JCAD: variants seen among roughly 807,000 people sequenced by gnomAD.
JCAD encodes junctional cadherin 5-associated protein.
A neutral mutation model predicts 98.0 loss-of-function variants in JCAD; 40 were observed. The observed-to-expected ratio is 0.41, with a 90% CI of 0.32 to 0.53. The LOEUF is 0.53. Among genes scored for constraint, JCAD ranks in the 20% least tolerant of loss-of-function variants. The pLI, the probability that JCAD is intolerant of heterozygous loss-of-function variation, is 0.31. For synonymous variants in JCAD, 691 were observed against 682.3 expected (o/e 1.01, Z -0.20); for missense variants, 1,705 against 1,738.1 (o/e 0.98, Z 0.34).
At chr10:30,019,577 C>T (rs1836614640) in intron 3 of JCAD, among the ~76,000 whole-genome samples, 1 of 146,932 alleles carries the variant, frequency 6.8e-6, no homozygotes, top group South Asian at 2.1e-4. Context: ...GTTGAAATCA[C>T]AGTAACAGAG....
intron 2 of JCAD, among the ~76,000 whole-genome samples, chr10:30,031,829 A>C (rs1468382058): frequency 3.9e-5 from 5 of 129,536 alleles, no homozygotes; most frequent in African/African-American, 1.5e-4. Flanking sequence ...ATCTCGGCTC[A>C]CTGCAAGCTC....
chr10:30,036,678 T>A (rs1282325881), intron 2 of JCAD, among the ~76,000 whole-genome samples: 1 of 151,928 alleles, frequency 6.6e-6, no homozygotes, highest in African/African-American at 2.4e-5. Flanking sequence ...GAACTGGGGG[T>A]TCTGTGGGAA....
At chr10:30,050,314 C>CAAAAAAAAAAAA (rs61421356) in intron 1 of JCAD, among the ~76,000 whole-genome samples, 12 of 41,752 alleles carry the variant, frequency 2.9e-4, no homozygotes, top group African/African-American at 5.7e-4. Flanking sequence ...GACCCTGTCT[C>CAAAAAAAAAAAA]AAAAAAAAAA....
At position 30,092,334 on chromosome 10, in the gene JCAD, A is replaced by G. The variant is rs1336236168; in HGVS notation, n.129-22513T>C. Among the ~76,000 whole-genome samples, 6 of 151,362 alleles carry G rather than the reference A, an allele frequency of 4.0e-5. No homozygotes were observed. The Admixed American group carries it at 4.0e-4, about 10-fold the overall frequency. On this transcript the variant is annotated intron_variant and non_coding_transcript_variant, in intron 1 of 2. Transcript: ENST00000465712. ...TGATAAGTGGCAGGAAGGACTGAGG[A>G]CAAATATTCTCATGTTGGTGTGTAA...
At chr10:30,058,919 G>A (rs948409116) in intron 1 of JCAD, among the ~76,000 whole-genome samples, 6 of 152,186 alleles carry the variant, frequency 3.9e-5, no homozygotes, top group African/African-American at 9.6e-5. Context: ...ACCGGAGCGG[G>A]AGCGGGGCCG....
Position 30,029,410 on chromosome 10 carries a change from A to G in JCAD, c.738T>C (p.Ile246=). Residue 246 remains isoleucine, a synonymous_variant, in exon 3 of 4, where the codon ATT becomes ATC. Transcript: ENST00000375377. ...AATGTCTTTCATTTAATGGAATGGG[A>G]ATTTCCGTGCAACTCAGGCTCTCGG... ...LSPESLSCTE[I]PIPLNERHSP... 4 of 1,613,666 alleles carry G rather than the reference A, an allele frequency of 2.5e-6. No individual in the cohort carries two copies. The highest frequency in any genetic ancestry group is 2.5e-6 in the Non-Finnish European group (3 of 1,179,948).
At chr10:30,036,322 G>A (rs904255883) in intron 2 of JCAD, among the ~76,000 whole-genome samples, 7 of 152,128 alleles carry the variant, frequency 4.6e-5, no homozygotes. Context: ...GGTAGTGGGT[G>A]CCTGTAATCC....
intron 2 of JCAD, among the ~76,000 whole-genome samples, chr10:30,043,084 C>G (rs1837274349): frequency 6.6e-6 from 1 of 152,210 alleles, no homozygotes; most frequent in African/African-American, 2.4e-5. Context: ...CTACTTGCAC[C>G]TAAGAGATTT....
chr10:30,104,170 G>C (rs142046902), intron 1 of JCAD, among the ~76,000 whole-genome samples: 1 of 152,194 alleles, frequency 6.6e-6, no homozygotes, highest in Non-Finnish European at 1.5e-5. Flanking sequence ...GTCGTGGAGC[G>C]TAAGTCCTGA....
intron 1 of JCAD, among the ~76,000 whole-genome samples, chr10:30,075,932 G>A (rs1011681943): frequency 1.3e-5 from 2 of 151,898 alleles, no homozygotes; most frequent in Non-Finnish European, 2.9e-5. Context: ...CATTTGTTCT[G>A]AATCATCTAC....
chr10:30,078,422 T>C (rs1049438631), intron 1 of JCAD, among the ~76,000 whole-genome samples: 1 of 151,786 alleles, frequency 6.6e-6, no homozygotes, highest in Admixed American at 6.6e-5. Flanking sequence ...CTTCCTTTCT[T>C]TTTTTTTAAT....
intron 1 of JCAD, among the ~76,000 whole-genome samples, chr10:30,101,932 C>A (rs959418422): frequency 1.3e-5 from 2 of 152,132 alleles, no homozygotes; most frequent in African/African-American, 4.8e-5. Flanking sequence ...AAAGCTTCAA[C>A]CTTCTGACCT....
rs1836476245 is a variant in JCAD, at chr10:30,013,787, A to G, written c.*4096T>C. ...TTTAAGTTTCAGTCACTAAACAGAG[A>G]CCACAGAACAAGGACCTCCCTGTCC... is the stretch of plus-strand genomic sequence containing the variant. On this transcript the variant is annotated 3_prime_UTR_variant, in exon 4 of 4. Coordinates refer to ENST00000375377, the MANE Select transcript of JCAD (RefSeq NM_020848.4). 1 of 152,230 alleles carries G rather than the reference A, an allele frequency of 6.6e-6. No homozygotes were observed. Among genetic ancestry groups the G allele is most frequent in the Admixed American group, 6.5e-5 (1 of 15,282 alleles). 9.4% of individuals were successfully genotyped at this position (152,230 alleles called of 1,614,324 possible). A position where few individuals can be genotyped will look rare whatever the true frequency, so the allele number is the denominator to read the frequency against.
At chr10:30,062,316 A>G (rs906941136), upstream of JCAD, among the ~76,000 whole-genome samples, 2 of 152,136 alleles carry the variant, frequency 1.3e-5, no homozygotes, top group African/African-American at 4.8e-5. Context: ...CCTCATTTCA[A>G]AATGTTTGGC....
At position 30,028,428 on chromosome 10, in the gene JCAD, T is replaced by C. The variant is rs777418244; in HGVS notation, c.1720A>G (p.Lys574Glu). ...AAGCAAAATATAGTCTCGTTCATTTTTTTCTTTGAACTTTTCTTGGTCCGA... is the reference window on the plus strand; with the variant it reads ...AAGCAAAATATAGTCTCGTTCATTTCTTTCTTTGAACTTTTCTTGGTCCGA... Reference protein sequence around the residue: ...GTRTKKSSKKKMNETIFCLVS... With the variant: ...GTRTKKSSKKEMNETIFCLVS... Residue 574 changes from lysine to glutamate, a missense_variant, in exon 3 of 4, where the codon AAA (lysine) becomes GAA (glutamate). Around this residue, in one of 3 missense-constraint regions of JCAD, gnomAD observed 1,278 missense variants for 1,243.1 expected, o/e 1.03. Coordinates refer to ENST00000375377, the MANE Select transcript of JCAD (RefSeq NM_020848.4). 6.8e-6 allele frequency: 11 copies of C among 1,614,102 alleles called. No homozygotes were observed. In the African/African-American group the frequency reaches 1.3e-4, roughly 20 times the overall value.
chr10:30,099,525 A>G (rs1226776903), intron 1 of JCAD, among the ~76,000 whole-genome samples: 1 of 152,132 alleles, frequency 6.6e-6, no homozygotes, highest in Non-Finnish European at 1.5e-5. Flanking sequence ...GCACTGTGCT[A>G]GGGAAACAGC....
At chr10:30,100,828 G>T (rs1838459542) in intron 1 of JCAD, among the ~76,000 whole-genome samples, 2 of 152,194 alleles carry the variant, frequency 1.3e-5, no homozygotes, top group Admixed American at 6.5e-5. Flanking sequence ...GGTAGTCAGG[G>T]TGCAGCTTGG....
Position 30,047,764 on chromosome 10 carries a change from T to C in JCAD, c.49A>G (p.Arg17Gly). The change falls in exon 2 of 4, where the codon AGA becomes GGA. Residue 17 changes from arginine to glycine, a missense_variant. By Grantham distance (125) the Arg-to-Gly change is moderately radical. This residue lies in a region of JCAD where 152 missense variants were observed against 148.0 expected (regional missense o/e 1.03). Coordinates refer to ENST00000375377, the MANE Select transcript of JCAD (RefSeq NM_020848.4). ...LLISHGYKLSRDPPASREDNP... is the reference protein window; with the variant it reads ...LLISHGYKLSGDPPASREDNP... ...TCCTCGCGTGATGCTGGGGGGTCTC[T>C]TGACAGCTTGTATCCATGAGAGATC... 1 of 1,614,140 alleles carries C rather than the reference T, an allele frequency of 6.2e-7. No individual in the cohort carries two copies. Among genetic ancestry groups the C allele is most frequent in the Non-Finnish European group, 8.5e-7 (1 of 1,179,994 alleles).
At chr10:30,086,736 G>A (rs1838172534) in intron 1 of JCAD, among the ~76,000 whole-genome samples, 2 of 152,186 alleles carry the variant, frequency 1.3e-5, no homozygotes, top group South Asian at 4.1e-4. Flanking sequence ...TCAAACTGTA[G>A]ATTCAAACTC....
Sources: gnomAD v4.1 joint callset for allele counts (sites outside exome capture counted in the v4.1 genomes callset) on GRCh38, gnomAD v4.1.1 for gene constraint, gnomAD v4.1.1 regional missense constraint, MANE v1.5 for transcripts, NCBI Gene and HGNC (gene_info 2026-07-23, HGNC 2026-07-21) for gene names.